B4GALNT3: variants seen among roughly 807,000 people sequenced by gnomAD.
The protein encoded by B4GALNT3 is beta-1,4-N-acetylgalactosaminyltransferase 3.
In B4GALNT3, 86 loss-of-function variants were observed where a neutral mutation model predicts 120.2. That is an observed-to-expected ratio of 0.72 (90% CI 0.60 to 0.86). B4GALNT3 has a LOEUF of 0.86. B4GALNT3 is among the 40% of genes least tolerant of loss of function. The pLI is 0.00. For missense variants in B4GALNT3, 1,167 were observed against 1,298.9 expected (o/e 0.90, Z 1.56); for synonymous variants, 518 against 510.4 (o/e 1.01, Z -0.20).
chr12:467,934 C>T (rs544546354), intron 1 of B4GALNT3, among the ~76,000 whole-genome samples: 2 of 152,162 alleles, frequency 1.3e-5, no homozygotes, highest in African/African-American at 2.4e-5. Context: ...TTTCTCTCGT[C>T]GTGTTGGTTA....
At position 559,291 on chromosome 12, in the gene B4GALNT3, A is replaced by G. The variant is rs1947196584; in HGVS notation, c.2762-4A>G. ...TCTCACCCGAAGCTCCTGTCTGTCC[A>G]CAGGCTACTGGGAGGTGAATGGGTT... On this transcript the variant is annotated splice_polypyrimidine_tract_variant and splice_region_variant and intron_variant, in intron 18 of 19. Transcript: ENST00000266383. The G allele has an allele frequency of 2.5e-6, 4 of 1,613,784 alleles. No individual in the cohort carries two copies. Among genetic ancestry groups the G allele is most frequent in the Non-Finnish European group, 3.4e-6 (4 of 1,179,844 alleles).
At chr12:516,561 T>C (rs747288474) in intron 1 of B4GALNT3, among the ~76,000 whole-genome samples, 1 of 152,254 alleles carries the variant, frequency 6.6e-6, no homozygotes, top group Non-Finnish European at 1.5e-5. Flanking sequence ...AGCAACCATA[T>C]AATTGATTGT....
chr12:476,474 G>A (rs995022355), intron 1 of B4GALNT3, among the ~76,000 whole-genome samples: 1 of 152,150 alleles, frequency 6.6e-6, no homozygotes, highest in Admixed American at 6.5e-5. Flanking sequence ...GCATGGTGGT[G>A]TGCACCTGTA....
chr12:501,528 CTA>C (rs1213906517), intron 1 of B4GALNT3, among the ~76,000 whole-genome samples: 7 of 152,122 alleles, frequency 4.6e-5, no homozygotes, highest in Admixed American at 3.9e-4. Flanking sequence ...CTGCAGTGAA[CTA>C]TGTTTGCACC....
intron 1 of B4GALNT3, among the ~76,000 whole-genome samples, chr12:513,934 A>T (rs374464905): frequency 6.6e-6 from 1 of 152,170 alleles, no homozygotes; most frequent in Admixed American, 6.5e-5. Context: ...TGGATAGACC[A>T]CATTTTGCTT....
At chr12:491,601 T>A (rs1946340305) in intron 1 of B4GALNT3, among the ~76,000 whole-genome samples, 2 of 151,410 alleles carry the variant, frequency 1.3e-5, no homozygotes, top group Admixed American at 1.3e-4. Flanking sequence ...AGTGCTGGGA[T>A]TATAGGCATG....
intron 1 of B4GALNT3, among the ~76,000 whole-genome samples, chr12:470,326 G>T (rs1305467669): frequency 6.6e-6 from 1 of 152,234 alleles, no homozygotes; most frequent in Admixed American, 6.5e-5. Flanking sequence ...TCCCTGCTGA[G>T]ATCTTCTTAC....
intron 1 of B4GALNT3, among the ~76,000 whole-genome samples, chr12:484,812 A>AC (rs1491257990): frequency 2.0e-5 from 3 of 150,350 alleles, no homozygotes; most frequent in Non-Finnish European, 4.5e-5. Context: ...AAAAAAAAAA[A>AC]AACCACTCGT....
intron 1 of B4GALNT3, among the ~76,000 whole-genome samples, chr12:506,717 A>G (rs1024338256): frequency 3.3e-5 from 5 of 152,116 alleles, no homozygotes; most frequent in African/African-American, 1.2e-4. Context: ...GCTCACTGCA[A>G]GCTCCGCCTC....
At chr12:557,004 C>T in intron 15 of B4GALNT3, 138 bp downstream of exon 15, 2 of 946,758 alleles carry the variant, frequency 2.1e-6, no homozygotes, top group Non-Finnish European at 3.0e-6. Flanking sequence ...AACTGAGGCT[C>T]ACAAAAGGAA....
rs147281480 is a variant in B4GALNT3 at position 529,237 on chromosome 12, C to G, written c.170-5929C>G. Among the ~76,000 whole-genome samples, 650 of 152,332 alleles carry G rather than the reference C, an allele frequency of 4.3e-3. 3 individuals are homozygous for G. The highest frequency in any genetic ancestry group is 0.015 in the African/African-American group (604 of 41,584). On this transcript the variant is annotated intron_variant, in intron 1 of 19. Transcript: ENST00000266383. ...ACCCCCACACCCACTGCTTCCACTT[C>G]TTTCTCGGGCTTACTCTCAGCCCCA...
intron 1 of B4GALNT3, among the ~76,000 whole-genome samples, chr12:487,581 C>T (rs186333990): frequency 1.1e-4 from 16 of 152,100 alleles, no homozygotes; most frequent in African/African-American, 2.9e-4. Flanking sequence ...GGTGTAGTGG[C>T]GCATGCCTGT....
At chr12:487,924 T>G (rs1185053493) in intron 1 of B4GALNT3, among the ~76,000 whole-genome samples, 1 of 152,006 alleles carries the variant, frequency 6.6e-6, no homozygotes, top group East Asian at 1.9e-4. Flanking sequence ...GCACTCCAGC[T>G]TGGGCAACAG....
chr12:534,189 T>G (rs150437093), intron 1 of B4GALNT3, among the ~76,000 whole-genome samples: 4 of 152,198 alleles, frequency 2.6e-5, no homozygotes, highest in African/African-American at 9.7e-5. Context: ...AAGTGAGCCT[T>G]GATCAGCCAT....
chr12:478,995 G>A (rs185100234), intron 1 of B4GALNT3, among the ~76,000 whole-genome samples: 4 of 152,290 alleles, frequency 2.6e-5, no homozygotes, highest in Non-Finnish European at 5.9e-5. Context: ...GAAGACAGAG[G>A]TTACAGCCTC....
intron 1 of B4GALNT3, among the ~76,000 whole-genome samples, chr12:485,401 A>G (rs533091782): frequency 6.2e-4 from 95 of 152,384 alleles, no homozygotes; most frequent in African/African-American, 2.1e-3. Context: ...CCACACAAAT[A>G]CATTTTCTAT....
chr12:471,047 T>C (rs1946131164), intron 1 of B4GALNT3, among the ~76,000 whole-genome samples: 1 of 151,894 alleles, frequency 6.6e-6, no homozygotes, highest in Non-Finnish European at 1.5e-5. Context: ...GTATTTTTCA[T>C]ATCTGTAAGT....
At chr12:544,316 C>T (rs756969605) in intron 3 of B4GALNT3, 23 bp from the exon 4 acceptor site, 8 of 1,610,898 alleles carry the variant, frequency 5.0e-6, no homozygotes, top group Non-Finnish European at 6.8e-6. Context: ...CGCTCACTCA[C>T]CACTGGCGTC....
intron 1 of B4GALNT3, among the ~76,000 whole-genome samples, chr12:488,524 A>C (rs1028519524): frequency 6.6e-6 from 1 of 152,228 alleles, no homozygotes; most frequent in Non-Finnish European, 1.5e-5. Flanking sequence ...GCAAGAGATG[A>C]ATAGGCAGAA....
Sources: allele counts gnomAD v4.1 joint callset (sites outside exome capture counted in the v4.1 genomes callset), GRCh38; gene constraint gnomAD v4.1.1; transcripts MANE v1.5; gene names NCBI Gene and HGNC (gene_info 2026-07-23, HGNC 2026-07-21).